The following PDE1C variants were observed in gnomAD, a reference collection of about 807,000 sequenced individuals.
PDE1C encodes the protein phosphodiesterase 1C.
A neutral mutation model predicts 93.1 loss-of-function variants in PDE1C; 62 were observed. The ratio of observed to expected loss-of-function variants is 0.67; its 90% confidence interval spans 0.54 to 0.82. PDE1C has a LOEUF of 0.82. Among genes scored for constraint, PDE1C ranks in the 40% least tolerant of loss-of-function variants. The pLI, the probability that PDE1C is intolerant of heterozygous loss-of-function variation, is 0.00. For missense variants in PDE1C, 742 were observed against 884.6 expected (o/e 0.84, Z 2.04); for synonymous variants, 325 against 310.1 (o/e 1.05, Z -0.50).
At chr7:31,897,436 T>C (rs1057462165) in intron 2 of PDE1C, among the ~76,000 whole-genome samples, 3 of 152,268 alleles carry the variant, frequency 2.0e-5, no homozygotes, top group African/African-American at 7.2e-5. Flanking sequence ...CCAGTTTTTC[T>C]ATTTTATGAA....
At chr7:32,030,368 T>C (rs1584518144) in intron 2 of PDE1C, among the ~76,000 whole-genome samples, 1 of 152,166 alleles carries the variant, frequency 6.6e-6, no homozygotes, top group East Asian at 1.9e-4. Context: ...TGCTTATGCT[T>C]ACCTAAGAAT....
chr7:32,360,025 G>T (rs1784106167), intron 1 of PDE1C, among the ~76,000 whole-genome samples: 1 of 152,122 alleles, frequency 6.6e-6, no homozygotes, highest in Admixed American at 6.5e-5. Flanking sequence ...CTTGATTGCA[G>T]ATTTCTGGGA....
At chr7:32,279,727 T>C (rs1811505662) in intron 1 of PDE1C, among the ~76,000 whole-genome samples, 1 of 151,968 alleles carries the variant, frequency 6.6e-6, no homozygotes, top group Non-Finnish European at 1.5e-5. Flanking sequence ...TAAGAGCAAA[T>C]ATAATAATTA....
chr7:32,137,989 A>G (rs1306871299), intron 3 of PDE1C, among the ~76,000 whole-genome samples: 3 of 152,174 alleles, frequency 2.0e-5, no homozygotes, highest in African/African-American at 7.2e-5. Context: ...GATTGAGTCC[A>G]TTTATTTTTG....
At chr7:32,195,900 G>A (rs1804577891) in intron 2 of PDE1C, among the ~76,000 whole-genome samples, 2 of 152,100 alleles carry the variant, frequency 1.3e-5, no homozygotes, top group Non-Finnish European at 2.9e-5. Context: ...TGTTATCGCT[G>A]GGAAGGGGTG....
the PDE1C span, among the ~76,000 whole-genome samples, chr7:31,711,882 C>G: frequency 1.3e-5 from 2 of 152,158 alleles, no homozygotes; most frequent in African/African-American, 2.4e-5. Flanking sequence ...TGCTTCCCCC[C>G]ACCCTGCTTT....
At chr7:32,232,707 T>C (rs1562602680) in intron 1 of PDE1C, among the ~76,000 whole-genome samples, 1 of 152,204 alleles carries the variant, frequency 6.6e-6, no homozygotes, top group African/African-American at 2.4e-5. Context: ...TAAATCTGAC[T>C]GTAAGCAGCA....
Position 32,070,405 on chromosome 7 carries a change from G to A in PDE1C, c.-12C>T, listed in dbSNP as rs376493543. The stretch of plus-strand genomic sequence containing the variant: ...GTTGGCGACTCCATAGCTGCAGGTA[G>A]GTGACCACTGGCGGTGAAGCTGAGA... On this transcript the variant is annotated 5_prime_UTR_variant, in exon 1 of 18. Transcript: ENST00000396191. 12 of 1,613,958 alleles carry A rather than the reference G, an allele frequency of 7.4e-6. No individual in the cohort carries two copies. The African/African-American group carries it at 1.5e-4, about 20-fold the overall frequency.
chr7:32,043,474 G>A (rs1257173001), intron 2 of PDE1C, among the ~76,000 whole-genome samples: 1 of 152,122 alleles, frequency 6.6e-6, no homozygotes, highest in Non-Finnish European at 1.5e-5. Context: ...ATGCACTTCG[G>A]TCTTATTAGG....
the PDE1C span, among the ~76,000 whole-genome samples, chr7:31,638,632 G>A: frequency 1.3e-5 from 2 of 152,104 alleles, no homozygotes; most frequent in Non-Finnish European, 2.9e-5. Context: ...TTACTCAACT[G>A]TCTTCTTACT....
intron 2 of PDE1C, among the ~76,000 whole-genome samples, chr7:31,947,757 A>C (rs1275756854): frequency 6.6e-6 from 1 of 152,220 alleles, no homozygotes; most frequent in East Asian, 1.9e-4. Context: ...GACTCAAGTC[A>C]TTGTAGGAGA....
chr7:32,087,050 C>A (rs529682126), intron 3 of PDE1C, among the ~76,000 whole-genome samples: 1 of 152,044 alleles, frequency 6.6e-6, no homozygotes, highest in Admixed American at 6.6e-5. Context: ...AAGAAACTAC[C>A]ATCAGAGTGA....
At chr7:32,084,337 C>A (rs1350096441) in intron 3 of PDE1C, among the ~76,000 whole-genome samples, 15 of 150,746 alleles carry the variant, frequency 1.0e-4, no homozygotes, top group Admixed American at 5.9e-4. Context: ...TACAGGAGCA[C>A]CCAGATTCAT....
At chr7:31,690,572 G>A in the PDE1C span, among the ~76,000 whole-genome samples, 5 of 152,134 alleles carry the variant, frequency 3.3e-5, no homozygotes, top group East Asian at 1.9e-4. Context: ...CAACTTCATC[G>A]AAGTCATATG....
At chr7:32,212,470 A>G (rs1806117770) in intron 1 of PDE1C, among the ~76,000 whole-genome samples, 1 of 152,064 alleles carries the variant, frequency 6.6e-6, no homozygotes, top group African/African-American at 2.4e-5. Context: ...AACATACCCA[A>G]TGCCACACTC....
chr7:32,317,732 C>T (rs948551646), intron 1 of PDE1C, among the ~76,000 whole-genome samples: 2 of 152,156 alleles, frequency 1.3e-5, no homozygotes, highest in Non-Finnish European at 2.9e-5. Flanking sequence ...AATGCTGGCA[C>T]TGTTCTTATT....
At chr7:31,972,751 C>G (rs796905260) in intron 2 of PDE1C, among the ~76,000 whole-genome samples, 17 of 152,210 alleles carry the variant, frequency 1.1e-4, no homozygotes, top group African/African-American at 4.1e-4. Context: ...CCTAACCACC[C>G]ATCCGGAGGC....
chr7:32,376,240 CAT>C (rs144731274), intron 1 of PDE1C, among the ~76,000 whole-genome samples: 1,905 of 152,226 alleles, frequency 0.013, 34 homozygotes, highest in African/African-American at 0.043. Flanking sequence ...CAGCTGAACT[CAT>C]GTAGCCACAT....
At position 32,298,040 on chromosome 7, in the gene PDE1C, CT is replaced by C. The variant is rs1407563597; in HGVS notation, c.85+610del. On this transcript the variant is annotated intron_variant, in intron 1 of 18. Coordinates refer to the PDE1C transcript ENST00000396193. ...TCCCTCTCTCTCTCTCTCTCTCTCT[CT>C]CTCTCTCTCTCTCTCTCTCTCTCCC... 1.2e-3 allele frequency among the ~76,000 whole-genome samples: 87 copies of C among 72,086 alleles called. 2 individuals carry two copies. Among genetic ancestry groups the C allele is most frequent in the East Asian group, 4.4e-3 (9 of 2,026 alleles). 47.3% of individuals were successfully genotyped at this position (72,086 alleles called of 152,430 possible). A position where few individuals can be genotyped will look rare whatever the true frequency, so the allele number is the denominator to read the frequency against.
Sources: allele counts gnomAD v4.1 joint callset (sites outside exome capture counted in the v4.1 genomes callset), GRCh38; gene constraint gnomAD v4.1.1; transcripts MANE v1.5; gene names NCBI Gene and HGNC (gene_info 2026-07-23, HGNC 2026-07-21).